KRT76: variants seen among roughly 807,000 people sequenced by gnomAD.
KRT76 encodes keratin, type II cytoskeletal 2 oral.
Under a neutral mutation model 44.9 loss-of-function variants are expected in KRT76, and 47 were observed. The observed-to-expected ratio is 1.05, with a 90% CI of 0.83 to 1.33. The LOEUF is 1.33. KRT76 is among the 40% of genes most tolerant of loss of function. The pLI is 0.00. For synonymous variants in KRT76, 331 were observed against 294.1 expected (o/e 1.13, Z -1.28); for missense variants, 860 against 775.8 (o/e 1.11, Z -1.29).
intron 8 of KRT76, 147 bp from the exon 9 acceptor site, chr12:52,769,257 A>G: frequency 1.6e-6 from 1 of 609,128 alleles, no homozygotes. Flanking sequence ...CATGAGAGTG[A>G]GCCTGGCCTC....
In KRT76 at chr12:52,769,500, G is replaced by A. The variant is rs200778307; in HGVS notation, c.1519+49C>T. ...AGGTCAGTCAGTGAGGTTGTTTCTAGCTGCCCTTTTACAACCCAGGGAGAG... is the reference window on the plus strand; with the variant it reads ...AGGTCAGTCAGTGAGGTTGTTTCTAACTGCCCTTTTACAACCCAGGGAGAG... On this transcript the variant is annotated intron_variant, in intron 8 of 8. Transcript: ENST00000332411. The A allele has an allele frequency of 2.7e-4, 407 of 1,535,272 alleles. 1 individual carries two copies. In the African/African-American group the frequency reaches 4.8e-3, roughly 18 times the overall value.
chr12:52,770,950 G>A (rs1384358469), intron 7 of KRT76, 49 bp downstream of exon 7: 3 of 1,610,650 alleles, frequency 1.9e-6, no homozygotes, highest in Non-Finnish European at 2.5e-6. Flanking sequence ...CATTATCAAA[G>A]GTCACTCTAA....
chr12:52,775,632 G>A (rs780155117), intron 1 of KRT76, 30 bp from the exon 2 acceptor site: 1 of 1,594,088 alleles, frequency 6.3e-7, no homozygotes, highest in South Asian at 1.1e-5. Context: ...AAAGGAGTCA[G>A]CCCCTTGAGT....
rs557773169 is a variant in KRT76, at chr12:52,772,757, CTGCAGCT to C, written c.972+19_972+25del. 2.3e-3 allele frequency: 3,438 copies of C among 1,498,456 alleles called. 11 individuals are homozygous for C. The highest frequency in any genetic ancestry group is 2.7e-3 in the Non-Finnish European group (2,924 of 1,074,338). The allele number at this position is 1,498,456 out of a possible 1,614,324, so 92.8% of individuals were successfully genotyped here. On this transcript the variant is annotated intron_variant, in intron 4 of 8. Coordinates refer to ENST00000332411, the MANE Select transcript of KRT76 (RefSeq NM_015848.4). ...TTGGGAAGAATCAGACAGGAAGGTT[CTGCAGCT>C]TGCAAACCAAGGAATCACCATCTCA...
At chr12:52,772,335 T>G in intron 4 of KRT76, 77 bp from the exon 5 acceptor site, 1 of 1,405,386 alleles carries the variant, frequency 7.1e-7, no homozygotes, top group Middle Eastern at 1.8e-4. Context: ...AGCGGAGATA[T>G]CCCAAGGATG....
intron 2 of KRT76, among the ~76,000 whole-genome samples, chr12:52,774,264 G>A (rs1229067661): frequency 1.3e-5 from 2 of 152,216 alleles, no homozygotes; most frequent in Non-Finnish European, 2.9e-5. Context: ...GATGGGCAGA[G>A]GTATGGGCAG....
intron 3 of KRT76, 93 bp from the exon 4 acceptor site, chr12:52,772,971 G>T: frequency 1.2e-6 from 1 of 817,824 alleles, no homozygotes. Context: ...TCTTTGTTCC[G>T]CCCCCAGCTC....
chr12:52,768,230 A>G lies in KRT76; in HGVS notation c.*483T>C. On this transcript the variant is annotated 3_prime_UTR_variant, in exon 9 of 9. Transcript: ENST00000332411. Reference sequence around the variant, plus strand: ...CAGAGGATCTACAGCTCAGGGAATTAGGGGACAGAAGGGAGTCAGGATCTG... The same window carrying G: ...CAGAGGATCTACAGCTCAGGGAATTGGGGGACAGAAGGGAGTCAGGATCTG... The G allele has an allele frequency of 6.4e-6, 1 of 156,376 alleles. No homozygotes were observed. The highest frequency in any genetic ancestry group is 1.4e-5 in the Non-Finnish European group (1 of 70,628). 9.7% of individuals were successfully genotyped at this position (156,376 alleles called of 1,614,324 possible).
intron 1 of KRT76, among the ~76,000 whole-genome samples, chr12:52,776,464 A>T (rs1027637546): frequency 2.6e-5 from 4 of 152,072 alleles, no homozygotes; most frequent in Admixed American, 6.5e-5. Context: ...CCCTCATCTC[A>T]TTCTTAGCAG....
At chr12:52,771,631 G>A (rs781112185) in intron 6 of KRT76, among the ~76,000 whole-genome samples, 1 of 152,214 alleles carries the variant, frequency 6.6e-6, no homozygotes, top group African/African-American at 2.4e-5. Flanking sequence ...GTCCAGAACT[G>A]CAGTTGCAAG....
At position 52,772,843 on chromosome 12, in the gene KRT76, C is replaced by A; in HGVS notation, c.912G>T (p.Leu304=). ...CTGTCAGGCTGTCCACTTTGGCCTG[C>A]AGCTCCACCTTGTTCATGAAAGCCG... The part of the protein sequence containing the change: ...VDAAFMNKVE[L]QAKVDSLTDE... The change falls in exon 4 of 9, where the codon CTG becomes CTT. Residue 304 remains leucine, a synonymous_variant. Transcript: ENST00000332411. The A allele has an allele frequency of 1.9e-6, 3 of 1,614,122 alleles. No homozygotes were observed. The highest frequency in any genetic ancestry group is 4.5e-5 in the East Asian group (2 of 44,880).
rs775205869 is a variant in KRT76 at position 52,776,741 on chromosome 12, C to T, written c.551G>A (p.Arg184Gln). Residue 184 changes from arginine to glutamine, a missense_variant, in exon 1 of 9, where the codon CGG becomes CAG. Transcript: ENST00000332411. ...PQIGQVKAQEREQIKTLNNKF... is the reference protein window; with the variant it reads ...PQIGQVKAQEQEQIKTLNNKF... The stretch of plus-strand genomic sequence containing the variant: ...GTTGTTGAGGGTCTTGATCTGTTCC[C>T]GCTCCTGGGCCTTTACTTGCCCAAT... 1.4e-5 allele frequency: 23 copies of T among 1,614,040 alleles called. No homozygotes were observed. The highest frequency in any genetic ancestry group is 1.6e-4 in the Middle Eastern group (1 of 6,080).
At position 52,769,099 on chromosome 12, in the gene KRT76, T is replaced by A; in HGVS notation, c.1531A>T (p.Asn511Tyr). 1.4e-6 allele frequency: 1 copy of A among 707,316 alleles called. No homozygotes were observed. Among genetic ancestry groups the A allele is most frequent in the Non-Finnish European group, 2.6e-6 (1 of 377,408 alleles). The allele number at this position is 707,316 out of a possible 1,614,324, so 43.8% of individuals were successfully genotyped here. ...GAGCTGCCACTTGTGCTGGTGACAT[T>A]GCTGACCACTGCTACAAGACAACAG... Reference protein sequence around the residue: ...QSAVCISVVSNVTSTSGSSGS... With the variant: ...QSAVCISVVSYVTSTSGSSGS... The change falls in exon 9 of 9, where the codon AAT (asparagine) becomes TAT (tyrosine). Residue 511 changes from asparagine to tyrosine, a missense_variant. Physicochemically the swap from Asn to Tyr is moderately radical, Grantham distance 143. Coordinates refer to ENST00000332411, the MANE Select transcript of KRT76 (RefSeq NM_015848.4).
intron 3 of KRT76, among the ~76,000 whole-genome samples, chr12:52,773,140 A>G (rs1466541522): frequency 1.3e-5 from 2 of 152,212 alleles, no homozygotes; most frequent in Non-Finnish European, 2.9e-5. Context: ...GAAAAATCAT[A>G]TTTACCTAAT....
At chr12:52,775,334 C>T (rs1348218438) in intron 2 of KRT76, 54 bp downstream of exon 2, 1 of 1,526,204 alleles carries the variant, frequency 6.6e-7, no homozygotes, top group Non-Finnish European at 9.1e-7. Context: ...AAATTAGGAC[C>T]ACACCTCCCT....
At chr12:52,771,794 C>T in intron 6 of KRT76, 77 bp downstream of exon 6, 2 of 1,501,660 alleles carry the variant, frequency 1.3e-6, no homozygotes, top group East Asian at 2.3e-5. Context: ...GAGCATGTAG[C>T]AGAGGAGCAG....
rs1019501318 is a variant in KRT76 at position 52,776,713 on chromosome 12, C to T, written c.579G>A (p.Lys193=). 8 of 1,614,168 alleles carry T rather than the reference C, an allele frequency of 5.0e-6. No homozygotes were observed. The highest frequency in any genetic ancestry group is 6.8e-6 in the Non-Finnish European group (8 of 1,180,040). The part of the protein sequence containing the change: ...EREQIKTLNN[K]FASFIDKVRF... ...TCACCTTGTCGATGAAGGAGGCAAA[C>T]TTGTTGTTGAGGGTCTTGATCTGTT... The change falls in exon 1 of 9, where the codon AAG becomes AAA. Residue 193 remains lysine, a synonymous_variant. Transcript: ENST00000332411.
intron 8 of KRT76, 60 bp downstream of exon 8, chr12:52,769,489 G>A (rs547602450): frequency 1.1e-5 from 15 of 1,418,906 alleles, no homozygotes; most frequent in Non-Finnish European, 1.5e-5. Flanking sequence ...CAGTCAGTGA[G>A]GTTGTTTCTA....
rs951112562 is a variant in KRT76 at position 52,769,597 on chromosome 12, G to C, written c.1485-14C>G. On this transcript the variant is annotated splice_polypyrimidine_tract_variant and intron_variant, in intron 7 of 8. Coordinates refer to ENST00000332411, the MANE Select transcript of KRT76 (RefSeq NM_015848.4). ...TCTCCAGACATCCTGAAAAGGAAGAGGAGAGGTGAATTCTTTCTGTTATGA... is the reference window on the plus strand; with the variant it reads ...TCTCCAGACATCCTGAAAAGGAAGACGAGAGGTGAATTCTTTCTGTTATGA... 2 of 1,612,702 alleles carry C rather than the reference G, an allele frequency of 1.2e-6. No individual in the cohort carries two copies. Among genetic ancestry groups the C allele is most frequent in the Non-Finnish European group, 1.7e-6 (2 of 1,178,820 alleles).
Sources: gnomAD v4.1 joint callset for allele counts (sites outside exome capture counted in the v4.1 genomes callset) on GRCh38, gnomAD v4.1.1 for gene constraint, MANE v1.5 for transcripts, NCBI Gene and HGNC (gene_info 2026-07-23, HGNC 2026-07-21) for gene names.